Variants in BICDL1 observed in about 807,000 individuals in gnomAD.
The protein encoded by BICDL1 is BICD family like cargo adaptor 1.
BICDL1 carries 20 observed loss-of-function variants against 76.8 expected under a neutral mutation model. The observed-to-expected ratio is 0.26, with a 90% CI of 0.18 to 0.38. BICDL1 has a LOEUF of 0.38. BICDL1 is among the 10% of genes least tolerant of loss of function. The pLI is 1.00. For synonymous variants in BICDL1, 383 were observed against 337.1 expected (o/e 1.14, Z -1.49); for missense variants, 700 against 798.6 (o/e 0.88, Z 1.49).
intron 1 of BICDL1, chr12:119,992,788 C>T (rs1034827522): frequency 1.3e-5 from 2 of 152,146 alleles, no homozygotes; most frequent in Admixed American, 1.3e-4. Context: ...TATAATCTTC[C>T]ACAAACTGTC....
intron 2 of BICDL1, among the ~76,000 whole-genome samples, chr12:120,029,741 C>G (rs932266362): frequency 6.7e-6 from 1 of 148,766 alleles, no homozygotes; most frequent in African/African-American, 2.5e-5. Context: ...CTGCAGCCTC[C>G]ACCCGCCGGT....
At position 120,092,639 on chromosome 12, in the gene BICDL1, C is replaced by T. The variant is rs1288957340; in HGVS notation, c.1705-361C>T. On this transcript the variant is annotated intron_variant, in intron 9 of 9. Transcript: ENST00000548673. ...GCCAAACCGGAGGCACCAGCCAGGC[C>T]CACAGGACACAGGAGGCAGAGCCGT... The T allele has an allele frequency of 4.1e-6, 4 of 985,290 alleles. No homozygotes were observed. In the African/African-American group the frequency reaches 7.0e-5, roughly 17 times the overall value. 61.0% of individuals were successfully genotyped at this position (985,290 alleles called of 1,614,324 possible).
intron 4 of BICDL1, among the ~76,000 whole-genome samples, chr12:120,066,378 C>T (rs769984154): frequency 7.2e-5 from 11 of 152,068 alleles, no homozygotes; most frequent in Non-Finnish European, 1.3e-4. Flanking sequence ...GAAAAATGGC[C>T]CTTGCCTAAA....
At chr12:120,059,502 C>G (rs546855739) in intron 2 of BICDL1, among the ~76,000 whole-genome samples, 1 of 152,200 alleles carries the variant, frequency 6.6e-6, no homozygotes, top group South Asian at 2.1e-4. Context: ...TCTTGAACTC[C>G]TGACCTTGTG....
chr12:120,046,788 T>G (rs764779590), intron 2 of BICDL1, among the ~76,000 whole-genome samples: 3 of 152,178 alleles, frequency 2.0e-5, no homozygotes, highest in Non-Finnish European at 4.4e-5. Flanking sequence ...AATCAAAATC[T>G]CCAATTGCGA....
chr12:120,015,514 G>T (rs1012804986), intron 2 of BICDL1, among the ~76,000 whole-genome samples: 4 of 152,118 alleles, frequency 2.6e-5, no homozygotes, highest in African/African-American at 9.7e-5. Flanking sequence ...GAGTGCTTTA[G>T]TCCCTTTCTT....
intron 1 of BICDL1, among the ~76,000 whole-genome samples, chr12:119,991,749 A>C (rs1594081388): frequency 6.6e-6 from 1 of 152,310 alleles, no homozygotes; most frequent in East Asian, 1.9e-4. Context: ...GGAGCACCGT[A>C]TCAGTTTGAT....
intron 2 of BICDL1, among the ~76,000 whole-genome samples, chr12:120,014,606 C>T (rs1014418315): frequency 6.6e-6 from 1 of 151,746 alleles, no homozygotes; most frequent in African/African-American, 2.4e-5. Context: ...GCAAGAGAAT[C>T]GCTTGAACCC....
In BICDL1 at chr12:120,085,998, T is replaced by TAA. The variant is rs397850497; in HGVS notation, c.1584-3934_1584-3933dup. ...GCAAGTTGTCCAGTCTTTCTCCCTTTAAAAAAAAAAAAAAAAAAAAGTAAA... is the reference window on the plus strand; with the variant it reads ...GCAAGTTGTCCAGTCTTTCTCCCTTTAAAAAAAAAAAAAAAAAAAAAAGTAAA... On this transcript the variant is annotated intron_variant, in intron 8 of 9. Coordinates refer to ENST00000548673, the MANE Select transcript of BICDL1 (RefSeq NM_001367886.1). Among the ~76,000 whole-genome samples, 16 of 129,342 alleles carry TAA rather than the reference T, an allele frequency of 1.2e-4. No homozygotes were observed. In the East Asian group the frequency reaches 1.5e-3, roughly 12 times the overall value. 84.9% of individuals were successfully genotyped at this position (129,342 alleles called of 152,430 possible).
At chr12:120,077,507 C>T (rs556817481) in intron 7 of BICDL1, among the ~76,000 whole-genome samples, 1 of 152,176 alleles carries the variant, frequency 6.6e-6, no homozygotes, top group African/African-American at 2.4e-5. Context: ...GTTCTCAGGC[C>T]TGTCACCCAG....
At chr12:120,083,799 G>T (rs757364836) in intron 8 of BICDL1, among the ~76,000 whole-genome samples, 15 of 151,466 alleles carry the variant, frequency 9.9e-5, no homozygotes, top group Non-Finnish European at 1.8e-4. Context: ...GGAATTACAG[G>T]CATGCGCCCC....
At position 120,093,668 on chromosome 12, in the gene BICDL1, A is replaced by C. The variant is rs1875180277; in HGVS notation, c.*507A>C. ...CCAGCCCCTGGCCCAGGGTCAAAGG[A>C]GAGATGGCAGCCCCTCCCCCGCATG... On this transcript the variant is annotated 3_prime_UTR_variant, in exon 10 of 10. Coordinates refer to ENST00000548673, the MANE Select transcript of BICDL1 (RefSeq NM_001367886.1). The C allele has an allele frequency of 5.9e-6, 1 of 170,222 alleles. No individual in the cohort carries two copies. Among genetic ancestry groups the C allele is most frequent in the African/African-American group, 2.4e-5 (1 of 41,566 alleles). 10.5% of individuals were successfully genotyped at this position (170,222 alleles called of 1,614,324 possible).
rs550009142 is a variant in BICDL1 at position 120,061,408 on chromosome 12, G to A, written c.646-302G>A. ...TTTCAATTTATTAGATATTTGCTGA[G>A]TTTCTGCTATATGTAGAGTAATAAT... On this transcript the variant is annotated intron_variant, in intron 2 of 9. Coordinates refer to ENST00000548673, the MANE Select transcript of BICDL1 (RefSeq NM_001367886.1). 2.4e-4 allele frequency among the ~76,000 whole-genome samples: 37 copies of A among 151,818 alleles called. No homozygotes were observed. In the South Asian group the frequency reaches 5.4e-3, roughly 22 times the overall value.
At chr12:120,044,229 A>AAC (rs1285465617) in intron 2 of BICDL1, among the ~76,000 whole-genome samples, 2 of 152,240 alleles carry the variant, frequency 1.3e-5, no homozygotes, top group African/African-American at 2.4e-5. Context: ...TCCAATTCCA[A>AAC]ACAAGAACAT....
chr12:120,057,818 CTTTTTTTTTTTTTTT>C (rs143777152), intron 2 of BICDL1, among the ~76,000 whole-genome samples: 5 of 78,324 alleles, frequency 6.4e-5, no homozygotes, highest in Non-Finnish European at 8.9e-5. Context: ...GCGATTCCTG[CTTTTTTTTTTTTTTT>C]TTTTTTTTTT....
intron 2 of BICDL1, among the ~76,000 whole-genome samples, chr12:120,016,181 T>C (rs1566217492): frequency 1.3e-5 from 2 of 152,218 alleles, no homozygotes; most frequent in Non-Finnish European, 2.9e-5. Flanking sequence ...TCTGGCCTCT[T>C]TCACTTAGCA....
chr12:120,089,269 A>G (rs554285199), intron 8 of BICDL1, among the ~76,000 whole-genome samples: 2 of 144,892 alleles, frequency 1.4e-5, no homozygotes, highest in African/African-American at 5.5e-5. Flanking sequence ...GTCCTTTTTC[A>G]ACGTGTGTGT....
chr12:120,036,038 T>A (rs1178970941), intron 2 of BICDL1, among the ~76,000 whole-genome samples: 1 of 152,266 alleles, frequency 6.6e-6, no homozygotes, highest in African/African-American at 2.4e-5. Context: ...CTTAGTAAAT[T>A]ATTTTGCTTT....
intron 8 of BICDL1, among the ~76,000 whole-genome samples, chr12:120,089,554 G>A (rs1365704359): frequency 2.0e-5 from 3 of 151,964 alleles, no homozygotes; most frequent in African/African-American, 4.8e-5. Context: ...GGCTAATTTT[G>A]TATTTTTAGT....
Sources: gnomAD v4.1 joint callset for allele counts (sites outside exome capture counted in the v4.1 genomes callset) on GRCh38, gnomAD v4.1.1 for gene constraint, MANE v1.5 for transcripts, NCBI Gene and HGNC (gene_info 2026-07-23, HGNC 2026-07-21) for gene names.